RAB30: variants seen among roughly 807,000 people sequenced by gnomAD.
The protein encoded by RAB30 is ras-related protein Rab-30.
In RAB30, 9 loss-of-function variants were observed where a neutral mutation model predicts 25.1. That is an observed-to-expected ratio of 0.36 (90% CI 0.22 to 0.63). RAB30 has a LOEUF of 0.63. RAB30 is among the 20% of genes least tolerant of loss of function. The pLI, the probability that RAB30 is intolerant of heterozygous loss-of-function variation, is 0.69. For missense variants in RAB30, 140 were observed against 243.5 expected (o/e 0.58, Z 2.83); for synonymous variants, 77 against 86.4 (o/e 0.89, Z 0.60).
intron 1 of RAB30, among the ~76,000 whole-genome samples, chr11:82,997,795 A>G (rs889890844): frequency 2.0e-5 from 3 of 152,310 alleles, no homozygotes; most frequent in Non-Finnish European, 4.4e-5. Context: ...GGAACTATAA[A>G]GGGCCCTTTT....
chr11:83,042,654 T>A (rs1432791418), intron 1 of RAB30, among the ~76,000 whole-genome samples: 3 of 152,214 alleles, frequency 2.0e-5, no homozygotes, highest in African/African-American at 7.2e-5. Flanking sequence ...GTGATTCCAC[T>A]TAGCATCACT....
chr11:83,064,909 C>T (rs780589934), intron 1 of RAB30, among the ~76,000 whole-genome samples: 12 of 151,978 alleles, frequency 7.9e-5, no homozygotes, highest in Admixed American at 7.2e-4. Context: ...GTCCAGGATC[C>T]AATCTAGGAT....
chr11:83,053,839 C>T (rs1329815625), intron 1 of RAB30, among the ~76,000 whole-genome samples: 1 of 152,154 alleles, frequency 6.6e-6, no homozygotes, highest in Non-Finnish European at 1.5e-5. Flanking sequence ...CCTGTAATCC[C>T]AGCACTTTGG....
intron 1 of RAB30, among the ~76,000 whole-genome samples, chr11:83,038,544 G>A (rs1858036120): frequency 6.6e-6 from 1 of 152,140 alleles, no homozygotes; most frequent in Non-Finnish European, 1.5e-5. Flanking sequence ...AATGAGGCTG[G>A]GTGCAGTGGC....
At chr11:83,069,585 G>C (rs890224688) in intron 1 of RAB30, among the ~76,000 whole-genome samples, 2 of 152,068 alleles carry the variant, frequency 1.3e-5, no homozygotes, top group African/African-American at 4.8e-5. Flanking sequence ...GGAAGAAAGA[G>C]GGGGGAAAGA....
chr11:83,061,888 C>T (rs566897011), intron 1 of RAB30, among the ~76,000 whole-genome samples: 5 of 151,236 alleles, frequency 3.3e-5, no homozygotes, highest in East Asian at 3.9e-4. Context: ...TGAAAGGTTT[C>T]GAATTAAGTT....
At chr11:82,992,360 T>C (rs1289217832) in intron 3 of RAB30, 1 of 456,220 alleles carries the variant, frequency 2.2e-6, no homozygotes, top group African/African-American at 2.0e-5. Flanking sequence ...CACTGCTGTA[T>C]TTGGTGTGGA....
chr11:83,035,106 A>T (rs982519608), intron 1 of RAB30, among the ~76,000 whole-genome samples: 2 of 151,226 alleles, frequency 1.3e-5, no homozygotes, highest in African/African-American at 4.9e-5. Context: ...TATTACCTCC[A>T]TTTAATAATG....
At chr11:82,986,226 G>T (rs1417160273) in intron 4 of RAB30, among the ~76,000 whole-genome samples, 1 of 152,204 alleles carries the variant, frequency 6.6e-6, no homozygotes, top group Non-Finnish European at 1.5e-5. Flanking sequence ...TGAGGGAGAA[G>T]GTGGACAGCA....
At chr11:83,022,687 GA>G (rs2121512566) in intron 1 of RAB30, among the ~76,000 whole-genome samples, 1 of 152,132 alleles carries the variant, frequency 6.6e-6, no homozygotes, top group Admixed American at 6.5e-5. Flanking sequence ...ACCAGAATCA[GA>G]AGTGAAATCT....
rs1460680606 is a variant in RAB30, at chr11:83,003,940, G to C, written c.-8-6616C>G. 2.0e-5 allele frequency among the ~76,000 whole-genome samples: 3 copies of C among 152,256 alleles called. No individual in the cohort carries two copies. In the East Asian group the frequency reaches 5.8e-4, roughly 29 times the overall value. ...TTGTTCATATGACCCTAGATACTCAGTAAGTGGGGGATGTAGAGGATAGCT... is the reference window on the plus strand; with the variant it reads ...TTGTTCATATGACCCTAGATACTCACTAAGTGGGGGATGTAGAGGATAGCT... On this transcript the variant is annotated intron_variant, in intron 1 of 4. Coordinates refer to ENST00000527633, the MANE Select transcript of RAB30 (RefSeq NM_001286060.2).
intron 1 of RAB30, among the ~76,000 whole-genome samples, chr11:83,024,398 C>T (rs1451298624): frequency 2.0e-5 from 3 of 152,342 alleles, no homozygotes; most frequent in East Asian, 3.9e-4. Flanking sequence ...GGCTTCCCCA[C>T]CCTGCCAGTG....
At chr11:83,014,700 G>GA (rs1175614126) in intron 1 of RAB30, among the ~76,000 whole-genome samples, 2 of 135,296 alleles carry the variant, frequency 1.5e-5, no homozygotes, top group Non-Finnish European at 3.2e-5. Flanking sequence ...GAAAGAGAAA[G>GA]GAAGGAAGGA....
intron 1 of RAB30, among the ~76,000 whole-genome samples, chr11:83,039,548 G>A (rs940429813): frequency 3.3e-5 from 5 of 152,082 alleles, no homozygotes; most frequent in Admixed American, 6.6e-5. Context: ...CTGTGGTGGC[G>A]TGTGTCTGTG....
At chr11:83,008,315 GT>G (rs1243641063) in intron 1 of RAB30, among the ~76,000 whole-genome samples, 1 of 152,162 alleles carries the variant, frequency 6.6e-6, no homozygotes, top group East Asian at 1.9e-4. Context: ...TCCTTCAGCT[GT>G]TCAGATTCCC....
chr11:83,057,564 C>A (rs1156901672), intron 1 of RAB30, among the ~76,000 whole-genome samples: 2 of 152,024 alleles, frequency 1.3e-5, no homozygotes, highest in Non-Finnish European at 2.9e-5. Context: ...AGAAACTGGG[C>A]GTTGGGTTGA....
chr11:82,982,383 C>A lies in RAB30; in HGVS notation c.394G>T (p.Val132Phe). The A allele has an allele frequency of 1.9e-6, 3 of 1,613,996 alleles. No individual in the cohort carries two copies. The highest frequency in any genetic ancestry group is 2.5e-6 in the Non-Finnish European group (3 of 1,179,988). ...AATTCTTCAGCTCGCTGCTGGGAAA[C>A]CTCTCTCCTTTCAGCCAGGTCAATC... is the stretch of plus-strand genomic sequence containing the variant. ...NKIDLAERRE[V>F]SQQRAEEFSE... Residue 132 changes from valine (V) to phenylalanine (F), a missense_variant, in exon 5 of 5, where the codon GTT (valine) becomes TTT (phenylalanine). Coordinates refer to ENST00000527633, the MANE Select transcript of RAB30 (RefSeq NM_001286060.2).
At chr11:83,043,545 G>A (rs550351212) in intron 1 of RAB30, among the ~76,000 whole-genome samples, 5 of 152,214 alleles carry the variant, frequency 3.3e-5, no homozygotes, top group Non-Finnish European at 5.9e-5. Flanking sequence ...AATTTCTAAG[G>A]CATGATAATG....
intron 1 of RAB30, among the ~76,000 whole-genome samples, chr11:83,045,593 C>T (rs145606186): frequency 1.3e-5 from 2 of 152,312 alleles, no homozygotes; most frequent in African/African-American, 4.8e-5. Flanking sequence ...CGGTTAAGCA[C>T]TTGAGCCTAG....
Sources: allele counts gnomAD v4.1 joint callset (sites outside exome capture counted in the v4.1 genomes callset), GRCh38; gene constraint gnomAD v4.1.1; transcripts MANE v1.5; gene names NCBI Gene and HGNC (gene_info 2026-07-23, HGNC 2026-07-21).